MYO9A: variants seen among roughly 807,000 people sequenced by gnomAD.
MYO9A encodes the protein myosin IXA, also known as unconventional myosin-IXa.
MYO9A carries 103 observed loss-of-function variants against 293.3 expected under a neutral mutation model. That is an observed-to-expected ratio of 0.35 (90% confidence interval 0.30 to 0.41). The LOEUF is 0.41. Among genes scored for constraint, MYO9A ranks in the 10% least tolerant of loss-of-function variants. The pLI is 1.00. For synonymous variants in MYO9A, 1,001 were observed against 1,035.7 expected (o/e 0.97, Z 0.64); for missense variants, 2,685 against 3,033.0 (o/e 0.89, Z 2.69).
At chr15:72,070,978 T>C (rs1042434312) in intron 1 of MYO9A, among the ~76,000 whole-genome samples, 2 of 152,142 alleles carry the variant, frequency 1.3e-5, no homozygotes, top group Non-Finnish European at 2.9e-5. Flanking sequence ...AAAAAATTCA[T>C]CTGAACATTT....
chr15:71,883,505 T>TG (rs1265444564), intron 28 of MYO9A, 89 bp downstream of exon 28: 64 of 1,354,240 alleles, frequency 4.7e-5, no homozygotes, highest in Non-Finnish European at 6.1e-5. Flanking sequence ...CCAACAGGAT[T>TG]GACATTATGA....
chr15:71,904,045 G>A lies in MYO9A; in HGVS notation c.2767-6C>T, dbSNP rs1409521465. ...TCACTGAACCTTAAGGGCAGCTAAA[G>A]CAAATGGAAAAAAGATTAACCCAGA... On this transcript the variant is annotated splice_polypyrimidine_tract_variant and splice_region_variant and intron_variant, in intron 20 of 41. Coordinates refer to ENST00000356056, the MANE Select transcript of MYO9A (RefSeq NM_006901.4). 3 of 1,606,808 alleles carry A rather than the reference G, an allele frequency of 1.9e-6. No homozygotes were observed. The highest frequency in any genetic ancestry group is 2.6e-6 in the Non-Finnish European group (3 of 1,174,720).
At chr15:71,951,941 AAAAG>A in intron 14 of MYO9A, 45 bp from the exon 15 acceptor site, 3 of 1,549,138 alleles carry the variant, frequency 1.9e-6, no homozygotes, top group Non-Finnish European at 2.6e-6. Flanking sequence ...GGAGAAAAGA[AAAAG>A]ACATTATATA....
chr15:71,835,620 C>A (rs1349972324), intron 39 of MYO9A, among the ~76,000 whole-genome samples: 1 of 152,000 alleles, frequency 6.6e-6, no homozygotes, highest in Non-Finnish European at 1.5e-5. Context: ...TTGAGAGTAG[C>A]TAATGATCTA....
chr15:72,035,456 C>T (rs370665578), intron 2 of MYO9A, among the ~76,000 whole-genome samples: 3 of 152,080 alleles, frequency 2.0e-5, no homozygotes, highest in Non-Finnish European at 2.9e-5. Context: ...AAACAACTGC[C>T]GTATTTTAAC....
intron 14 of MYO9A, among the ~76,000 whole-genome samples, chr15:71,955,721 T>C (rs2059161837): frequency 6.6e-6 from 1 of 152,208 alleles, no homozygotes; most frequent in Non-Finnish European, 1.5e-5. Context: ...TGATTTAAAG[T>C]ATACAATTAA....
In MYO9A at chr15:71,914,416, A is replaced by G. The variant is rs554628818; in HGVS notation, c.2685+1954T>C. Among the ~76,000 whole-genome samples the G allele has an allele frequency of 2.2e-4, 34 of 152,334 alleles. 1 individual carries two copies. Among genetic ancestry groups the G allele is most frequent in the Admixed American group, 2.2e-3 (34 of 15,302 alleles). Reference sequence around the variant, plus strand: ...GTTCTATGGTATCATTTTCATGAAAATAAGCATTCAAGGAAGGGCACAAAG... The same window carrying G: ...GTTCTATGGTATCATTTTCATGAAAGTAAGCATTCAAGGAAGGGCACAAAG... On this transcript the variant is annotated intron_variant, in intron 19 of 41. Coordinates refer to ENST00000356056, the MANE Select transcript of MYO9A (RefSeq NM_006901.4).
At chr15:72,077,752 A>AAAAAAAAT (rs2079412621) in intron 1 of MYO9A, among the ~76,000 whole-genome samples, 1 of 72,492 alleles carries the variant, frequency 1.4e-5, no homozygotes, top group African/African-American at 7.8e-5. Context: ...AAAAAAAAAA[A>AAAAAAAAT]ATATATATAT....
intron 2 of MYO9A, among the ~76,000 whole-genome samples, chr15:72,036,006 A>G (rs1417629190): frequency 3.3e-5 from 5 of 152,304 alleles, no homozygotes; most frequent in African/African-American, 4.8e-5. Flanking sequence ...GAATTTTATA[A>G]TATGATTACT....
intron 10 of MYO9A, among the ~76,000 whole-genome samples, chr15:71,993,970 A>C (rs937267451): frequency 9.9e-5 from 15 of 151,754 alleles, no homozygotes; most frequent in African/African-American, 3.6e-4. Context: ...AAAAAAAAAA[A>C]ACAGCAATCC....
intron 25 of MYO9A, among the ~76,000 whole-genome samples, chr15:71,893,985 T>C (rs1268968597): frequency 1.3e-5 from 2 of 152,178 alleles, no homozygotes; most frequent in East Asian, 3.8e-4. Flanking sequence ...CTTGTCCTGA[T>C]GATCAGTGGG....
At chr15:71,839,428 A>C (rs2055065029) in intron 39 of MYO9A, among the ~76,000 whole-genome samples, 1 of 151,484 alleles carries the variant, frequency 6.6e-6, no homozygotes, top group Non-Finnish European at 1.5e-5. Flanking sequence ...CTTTCTTTAA[A>C]GATACAGGGT....
At chr15:72,043,191 A>C (rs1433344997) in intron 2 of MYO9A, among the ~76,000 whole-genome samples, 1 of 152,224 alleles carries the variant, frequency 6.6e-6, no homozygotes, top group Non-Finnish European at 1.5e-5. Flanking sequence ...ACAATTGAAA[A>C]TTGTAGAACA....
rs377015943 is a variant in MYO9A, at chr15:72,045,994, C to T, written c.570G>A (p.Lys190=). ...ATTTGGGGTTATAAATAGGAAGAAA[C>T]TTGAATGGGTTAATAACTATTAGAA... is the stretch of plus-strand genomic sequence containing the variant. ...GSILIVINPF[K]FLPIYNPKYV... Residue 190 remains lysine (K), a synonymous_variant, in exon 2 of 42, where the codon AAG becomes AAA. Transcript: ENST00000356056. 113 of 1,614,016 alleles carry T rather than the reference C, an allele frequency of 7.0e-5. No individual in the cohort carries two copies. Among genetic ancestry groups the T allele is most frequent in the Middle Eastern group, 1.6e-4 (1 of 6,084 alleles).
intron 18 of MYO9A, among the ~76,000 whole-genome samples, chr15:71,932,954 T>C (rs536847774): frequency 4.9e-4 from 75 of 151,790 alleles, no homozygotes; most frequent in Middle Eastern, 3.4e-3. Flanking sequence ...AAAGCTGCTA[T>C]ACACATTAAT....
chr15:71,898,918 C>T lies in MYO9A; in HGVS notation c.3585G>A (p.Glu1195=), dbSNP rs769356558. 6.2e-7 allele frequency: 1 copy of T among 1,614,080 alleles called. No individual in the cohort carries two copies. Among genetic ancestry groups the T allele is most frequent in the Non-Finnish European group, 8.5e-7 (1 of 1,179,960 alleles). Residue 1195 remains glutamate, a synonymous_variant, in exon 25 of 42, where the codon GAG becomes GAA. Coordinates refer to ENST00000356056, the MANE Select transcript of MYO9A (RefSeq NM_006901.4). ...TTATTCTGTTGTCAAAAGAACAATC[C>T]TCCCATCCTGAAGGGTCTGAACCCT... is the stretch of plus-strand genomic sequence containing the variant. The part of the protein sequence containing the change: ...EIQGSDPSGW[E]DCSFDNRIKA...
chr15:72,048,697 C>G (rs147992470), intron 1 of MYO9A, among the ~76,000 whole-genome samples: 1 of 151,914 alleles, frequency 6.6e-6, no homozygotes, highest in Non-Finnish European at 1.5e-5. Flanking sequence ...CAAATTTTAC[C>G]TTGGCTATTT....
chr15:71,982,110 C>T (rs1366557206), intron 11 of MYO9A, among the ~76,000 whole-genome samples: 1 of 145,590 alleles, frequency 6.9e-6, no homozygotes, highest in Non-Finnish European at 1.5e-5. Flanking sequence ...AGCTCCGCCT[C>T]GCGGGTTCAC....
intron 10 of MYO9A, 94 bp downstream of exon 10, chr15:71,994,375 T>G: frequency 6.0e-6 from 4 of 668,814 alleles, no homozygotes; most frequent in Non-Finnish European, 7.3e-6. Context: ...TACTTATTAC[T>G]CTATATAATT....
Sources: allele counts gnomAD v4.1 joint callset (sites outside exome capture counted in the v4.1 genomes callset), GRCh38; gene constraint gnomAD v4.1.1; transcripts MANE v1.5; gene names NCBI Gene and HGNC (gene_info 2026-07-23, HGNC 2026-07-21).